RIIAD1: variants seen among roughly 807,000 people sequenced by gnomAD.
RIIAD1 encodes the protein RIIa domain-containing protein 1.
Under a neutral mutation model 13.3 loss-of-function variants are expected in RIIAD1, and 15 were observed. That is an observed-to-expected ratio of 1.13 (90% confidence interval 0.76 to 1.74). The LOEUF (loss-of-function observed/expected upper bound fraction) is 1.74, where lower values mean the gene tolerates loss of function less well. Ranked by LOEUF, RIIAD1 falls within the 40% of genes most tolerant of loss-of-function variation. The pLI is 0.00. For missense variants in RIIAD1, 121 were observed against 112.2 expected (o/e 1.08, Z -0.35); for synonymous variants, 50 against 43.3 (o/e 1.16, Z -0.61).
At chr1:151,714,630 G>A in intron 4 of RIIAD1, 2 of 1,560,944 alleles carry the variant, frequency 1.3e-6, no homozygotes, top group Non-Finnish European at 1.7e-6. Flanking sequence ...GGGCGCTCTG[G>A]GCCTTCAGGG....
chr1:151,724,605 G>T (rs1673793760), intron 2 of RIIAD1, among the ~76,000 whole-genome samples: 2 of 152,158 alleles, frequency 1.3e-5, no homozygotes, highest in African/African-American at 4.8e-5. Context: ...GGGTTTTTTA[G>T]ATCCTAATGA....
At chr1:151,720,513 C>G (rs548888994), upstream of RIIAD1, among the ~76,000 whole-genome samples, 1 of 152,362 alleles carries the variant, frequency 6.6e-6, no homozygotes, top group South Asian at 2.1e-4. Flanking sequence ...GTGGTTTTCC[C>G]TGGCTTGGGA....
At position 151,712,957 on chromosome 1, in the gene RIIAD1, AAC is replaced by A. The variant is rs1673150670; in HGVS notation, c.-185-505_-185-504del. Among the ~76,000 whole-genome samples the A allele has an allele frequency of 2.6e-5, 4 of 152,218 alleles. No individual in the cohort carries two copies. The South Asian group carries it at 8.3e-4, about 32-fold the overall frequency. On this transcript the variant is annotated intron_variant, in intron 2 of 8. Coordinates refer to the RIIAD1 transcript ENST00000326413. Reference sequence around the variant, plus strand: ...CACACTGCATGCACACACACGTGCAAACACACACTGAGGGGAGAATGCAGGTA... The same window carrying A: ...CACACTGCATGCACACACACGTGCAAACACACTGAGGGGAGAATGCAGGTA...
At chr1:151,714,464 CAG>C (rs750250695) in exon 4 of RIIAD1, 3 of 739,672 alleles carry the variant, frequency 4.1e-6, no homozygotes, top group South Asian at 1.5e-5. Context: ...ATGGATGCTA[CAG>C]AGAGAGAGGG....
intron 4 of RIIAD1, chr1:151,716,478 T>C (rs1673489473): frequency 9.9e-6 from 3 of 303,370 alleles, no homozygotes; most frequent in South Asian, 5.7e-5. Flanking sequence ...GCCAGCAGCG[T>C]CAGTAAGGGG....
chr1:151,722,009 C>T lies in RIIAD1; in HGVS notation c.85-77C>T, dbSNP rs374413476. On this transcript the variant is annotated intron_variant, in intron 1 of 4. Transcript: ENST00000479191. ...TGGGTTAAATGCGCACGCCGTTTCCCGCAGCCCTTCACATCTCCAGGGCTG... is the reference window on the plus strand; with the variant it reads ...TGGGTTAAATGCGCACGCCGTTTCCTGCAGCCCTTCACATCTCCAGGGCTG... The T allele has an allele frequency of 4.0e-5, 41 of 1,033,926 alleles. No homozygotes were observed. The African/African-American group carries it at 4.0e-4, about 10-fold the overall frequency. 64.0% of individuals were successfully genotyped at this position (1,033,926 alleles called of 1,614,324 possible).
upstream of RIIAD1, among the ~76,000 whole-genome samples, chr1:151,717,083 C>G (rs1023915582): frequency 3.3e-5 from 5 of 152,066 alleles, no homozygotes; most frequent in Non-Finnish European, 7.4e-5. Context: ...AAAGTGGGGT[C>G]CATTGTTCCG....
chr1:151,715,969 G>A (rs1359352215), intron 4 of RIIAD1: 3 of 1,614,204 alleles, frequency 1.9e-6, no homozygotes, highest in Non-Finnish European at 2.5e-6. Context: ...TTCTCCTCCA[G>A]ATGCCTCGGG....
chr1:151,724,120 T>G (rs1673786933), intron 2 of RIIAD1, among the ~76,000 whole-genome samples: 1 of 152,212 alleles, frequency 6.6e-6, no homozygotes, highest in Non-Finnish European at 1.5e-5. Context: ...GAGATGGCCT[T>G]GATTCTCTCT....
intron 4 of RIIAD1, chr1:151,715,751 C>G: frequency 6.3e-7 from 1 of 1,596,846 alleles, no homozygotes; most frequent in African/African-American, 1.3e-5. Flanking sequence ...ATCCACTTTC[C>G]TCAGGCCTGA....
intron 2 of RIIAD1, among the ~76,000 whole-genome samples, chr1:151,724,710 A>G (rs1673795429): frequency 6.6e-6 from 1 of 152,236 alleles, no homozygotes; most frequent in Admixed American, 6.5e-5. Flanking sequence ...AAAAATGGAA[A>G]GAGTAGGAAT....
At chr1:151,728,968 G>C in intron 4 of RIIAD1, 75 bp downstream of exon 4, 1 of 637,200 alleles carries the variant, frequency 1.6e-6, no homozygotes, top group Non-Finnish European at 2.8e-6. Flanking sequence ...TTGGTCCAGG[G>C]TGTGAAAGAA....
upstream of RIIAD1, among the ~76,000 whole-genome samples, chr1:151,717,694 C>T (rs1409854248): frequency 6.6e-6 from 1 of 152,224 alleles, no homozygotes; most frequent in East Asian, 1.9e-4. Context: ...TGTCAAGCTT[C>T]CCCTTAGGAT....
chr1:151,715,705 C>G, intron 4 of RIIAD1: 1 of 1,550,192 alleles, frequency 6.5e-7, no homozygotes, highest in African/African-American at 1.4e-5. Flanking sequence ...CCGGGGTTTC[C>G]TGATCACTCT....
upstream of RIIAD1, among the ~76,000 whole-genome samples, chr1:151,718,266 C>T (rs1673634777): frequency 6.6e-6 from 1 of 152,164 alleles, no homozygotes; most frequent in African/African-American, 2.4e-5. Context: ...CTCCTAAACC[C>T]TCACCACCCC....
At chr1:151,715,746 C>G (rs767482031) in intron 4 of RIIAD1, 70 of 1,595,188 alleles carry the variant, frequency 4.4e-5, no homozygotes, top group Admixed American at 2.9e-4. Flanking sequence ...CCTCCATCCA[C>G]TTTCCTCAGG....
chr1:151,719,555 C>T (rs1259355807), upstream of RIIAD1: 1 of 690,662 alleles, frequency 1.4e-6, no homozygotes, highest in Non-Finnish European at 2.6e-6. Context: ...GGCAGAGTGG[C>T]TAGTCATGAA....
chr1:151,719,288 C>G (rs74994843), upstream of RIIAD1, among the ~76,000 whole-genome samples: 670 of 152,186 alleles, frequency 4.4e-3, 19 homozygotes, highest in East Asian at 0.048. Flanking sequence ...GGCAGGGGAG[C>G]CCTGAGACTC....
Position 151,715,522 on chromosome 1 carries a change from G to GCA in RIIAD1, c.21+1007_21+1008dup, listed in dbSNP as rs141638568. 1.3e-3 allele frequency: 1,027 copies of GCA among 800,156 alleles called. 2 individuals carry two copies. Among genetic ancestry groups the GCA allele is most frequent in the African/African-American group, 7.0e-3 (393 of 56,294 alleles). The allele number at this position is 800,156 out of a possible 1,614,324, so 49.6% of individuals were successfully genotyped here. A position where few individuals can be genotyped will look rare whatever the true frequency, so the allele number is the denominator to read the frequency against. ...TCAGATTCTCAGTCTTGCTGCACAC[G>GCA]CACACACACACACACCCCTACCCAG... On this transcript the variant is annotated intron_variant, in intron 4 of 8. Transcript: ENST00000326413.
Sources: gnomAD v4.1 joint callset for allele counts (sites outside exome capture counted in the v4.1 genomes callset) on GRCh38, gnomAD v4.1.1 for gene constraint, MANE v1.5 for transcripts, NCBI Gene and HGNC (gene_info 2026-07-23, HGNC 2026-07-21) for gene names.